Variants in PPDPFL observed in about 807,000 individuals in gnomAD.
The protein encoded by PPDPFL is pancreatic progenitor cell differentiation and proliferation factor-like protein.
A neutral mutation model predicts 12.6 loss-of-function variants in PPDPFL; 12 were observed. The ratio of observed to expected loss-of-function variants is 0.95; its 90% confidence interval spans 0.61 to 1.54. The LOEUF is 1.54. PPDPFL is among the 40% of genes most tolerant of loss of function. The pLI is 0.00. For synonymous variants in PPDPFL, 24 were observed against 32.7 expected, an observed-to-expected ratio of 0.73 and a Z score of 0.91; for missense variants, 114 against 96.0, an observed-to-expected ratio of 1.19 and a Z score of -0.78.
chr8:49,073,316 T>C (rs554925876), intron 2 of PPDPFL, among the ~76,000 whole-genome samples: 2 of 152,362 alleles, frequency 1.3e-5, no homozygotes. Context: ...TGGCCAGTTT[T>C]ATTTTTATTA....
rs748569046 is a variant in PPDPFL at position 49,072,839 on chromosome 8, C to T, written c.9C>T (p.Ser3=). 19 of 1,605,580 alleles carry T rather than the reference C, an allele frequency of 1.2e-5. No homozygotes were observed. The highest frequency in any genetic ancestry group is 3.4e-5 in the South Asian group (3 of 89,260). Residue 3 remains serine, a synonymous_variant, in exon 2 of 5, where the codon TCC becomes TCT. Transcript: ENST00000522267. The stretch of plus-strand genomic sequence containing the variant: ...TTCTCACGGGTAAAGCCATGGCATC[C>T]GTACCTTCCATTGGTTGCCTTCTAG... The part of the protein sequence containing the change: MA[S]VPSIGCLLAR...
chr8:49,061,718 T>G (rs1219607203), intron 1 of PPDPFL, among the ~76,000 whole-genome samples: 1 of 152,140 alleles, frequency 6.6e-6, no homozygotes, highest in Non-Finnish European at 1.5e-5. Flanking sequence ...GATGGCTCCT[T>G]GGCAGCAGGT....
At chr8:49,069,520 C>T (rs1048331552), upstream of PPDPFL, among the ~76,000 whole-genome samples, 1 of 152,108 alleles carries the variant, frequency 6.6e-6, no homozygotes, top group Non-Finnish European at 1.5e-5. Flanking sequence ...GAAAAAGGAA[C>T]GCTTATACGC....
At chr8:49,064,193 A>C (rs1808258136) in intron 1 of PPDPFL, among the ~76,000 whole-genome samples, 2 of 152,156 alleles carry the variant, frequency 1.3e-5, no homozygotes. Flanking sequence ...TATGAACAGG[A>C]CTTTCTTGGA....
chr8:49,056,391 A>G (rs1383560053), intron 1 of PPDPFL, among the ~76,000 whole-genome samples: 2 of 152,046 alleles, frequency 1.3e-5, no homozygotes, highest in Non-Finnish European at 2.9e-5. Flanking sequence ...CTTAGACTCT[A>G]TCTAAATTAG....
At chr8:49,073,593 A>T (rs543074185) in intron 2 of PPDPFL, among the ~76,000 whole-genome samples, 2 of 152,178 alleles carry the variant, frequency 1.3e-5, no homozygotes, top group South Asian at 4.1e-4. Context: ...TTATATTCTG[A>T]TCTTATAAGA....
chr8:49,060,811 C>A (rs549192583), intron 1 of PPDPFL, among the ~76,000 whole-genome samples: 1 of 152,236 alleles, frequency 6.6e-6, no homozygotes, highest in South Asian at 2.1e-4. Context: ...ATGGGTAATT[C>A]ATGTTCAAAA....
In PPDPFL at chr8:49,075,567, T is replaced by C. The variant is rs773397454; in HGVS notation, c.*394T>C. 2 of 346,148 alleles carry C rather than the reference T, an allele frequency of 5.8e-6. No homozygotes were observed. The highest frequency in any genetic ancestry group is 4.4e-5 in the Admixed American group (1 of 22,732). The allele number at this position is 346,148 out of a possible 1,614,324, so 21.4% of individuals were successfully genotyped here. On this transcript the variant is annotated 3_prime_UTR_variant, in exon 5 of 5. Coordinates refer to ENST00000522267, the MANE Select transcript of PPDPFL (RefSeq NM_001256597.2). ...CATAAAGTAGCTCTTTCATTTTTTA[T>C]ATCATTTTTATTAAAAAAACTTAAG...
intron 1 of PPDPFL, among the ~76,000 whole-genome samples, chr8:49,059,335 T>C (rs1042177885): frequency 5.9e-5 from 9 of 152,186 alleles, no homozygotes; most frequent in African/African-American, 2.2e-4. Context: ...TATAGTGATC[T>C]TGGTTCATGG....
At chr8:49,059,064 A>G (rs917543989) in intron 1 of PPDPFL, among the ~76,000 whole-genome samples, 12 of 152,212 alleles carry the variant, frequency 7.9e-5, no homozygotes, top group African/African-American at 2.7e-4. Context: ...ACATTCCCTG[A>G]GAACAGTGTC....
intron 4 of PPDPFL, 130 bp downstream of exon 4, chr8:49,074,463 C>T (rs1277184010): frequency 1.7e-5 from 27 of 1,543,504 alleles, no homozygotes; most frequent in Non-Finnish European, 2.3e-5. Flanking sequence ...GCCTATGAAG[C>T]GCACCTGAGG....
intron 1 of PPDPFL, among the ~76,000 whole-genome samples, chr8:49,060,564 C>A (rs565320157): frequency 6.6e-6 from 1 of 152,096 alleles, no homozygotes; most frequent in Non-Finnish European, 1.5e-5. Flanking sequence ...CTGCCCACCT[C>A]GGCCTCCCAA....
chr8:49,060,602 C>T (rs1179976552), intron 1 of PPDPFL, among the ~76,000 whole-genome samples: 2 of 152,084 alleles, frequency 1.3e-5, no homozygotes, highest in East Asian at 1.9e-4. Flanking sequence ...TGTGAGCCAC[C>T]GTGCCCAGCC....
In PPDPFL at chr8:49,066,829, C is replaced by T. The variant is rs1028966250; in HGVS notation, c.-44-5958C>T. Among the ~76,000 whole-genome samples, 5 of 152,196 alleles carry T rather than the reference C, an allele frequency of 3.3e-5. No homozygotes were observed. The South Asian group carries it at 1.0e-3, about 32-fold the overall frequency. On this transcript the variant is annotated intron_variant, in intron 1 of 4. Transcript: ENST00000517663. ...TGGCCCTTGAGATGTGTGGCTGTGG[C>T]AATTTTAGCTCCAGTGCCATGGGAA...
chr8:49,072,838 C>T lies in PPDPFL; in HGVS notation c.8C>T (p.Ser3Phe). The T allele has an allele frequency of 6.2e-7, 1 of 1,605,964 alleles. No individual in the cohort carries two copies. The highest frequency in any genetic ancestry group is 1.1e-5 in the South Asian group (1 of 89,328). MA[S>F]VPSIGCLLAR... ...TTTCTCACGGGTAAAGCCATGGCAT[C>T]CGTACCTTCCATTGGTTGCCTTCTA... The change falls in exon 2 of 5, where the codon TCC (serine) becomes TTC (phenylalanine). Residue 3 changes from serine to phenylalanine, a missense_variant. Physicochemically the swap from Ser to Phe is radical, Grantham distance 155 (BLOSUM62 -2). Coordinates refer to ENST00000522267, the MANE Select transcript of PPDPFL (RefSeq NM_001256597.2).
intron 2 of PPDPFL, among the ~76,000 whole-genome samples, chr8:49,073,750 G>A (rs1808436442): frequency 1.3e-5 from 2 of 151,824 alleles, no homozygotes; most frequent in Admixed American, 1.3e-4. Flanking sequence ...ATTTATTCTT[G>A]GTCTTGTTCT....
At chr8:49,075,126 C>T in intron 4 of PPDPFL, 26 bp from the exon 5 acceptor site, 1 of 1,611,694 alleles carries the variant, frequency 6.2e-7, no homozygotes, top group Non-Finnish European at 8.5e-7. Flanking sequence ...ATCCCCTCCT[C>T]TCTGACTACT....
At chr8:49,059,363 A>C (rs971699907) in intron 1 of PPDPFL, among the ~76,000 whole-genome samples, 1 of 152,174 alleles carries the variant, frequency 6.6e-6, no homozygotes, top group African/African-American at 2.4e-5. Flanking sequence ...TGAGGTAGCC[A>C]GGGGAGTAAG....
At chr8:49,062,863 G>A (rs1407281669) in intron 1 of PPDPFL, among the ~76,000 whole-genome samples, 1 of 152,148 alleles carries the variant, frequency 6.6e-6, no homozygotes, top group African/African-American at 2.4e-5. Context: ...ATGATCTCTG[G>A]CCTGGTTTCT....
Sources: gnomAD v4.1 joint callset for allele counts (sites outside exome capture counted in the v4.1 genomes callset) on GRCh38, gnomAD v4.1.1 for gene constraint, MANE v1.5 for transcripts, NCBI Gene and HGNC (gene_info 2026-07-23, HGNC 2026-07-21) for gene names.